PDE4D: variants seen among roughly 807,000 people sequenced by gnomAD.
The protein encoded by PDE4D is 3',5'-cyclic-AMP phosphodiesterase 4D.
PDE4D carries 24 observed loss-of-function variants against 87.4 expected under a neutral mutation model. The ratio of observed to expected loss-of-function variants is 0.27; its 90% CI spans 0.20 to 0.39. The LOEUF (loss-of-function observed/expected upper bound fraction) is 0.39. Ranked by LOEUF, PDE4D falls within the 10% of genes least tolerant of loss-of-function variation. PDE4D has a pLI of 1.00. For synonymous variants in PDE4D, 384 were observed against 383.2 expected (o/e 1.00, Z -0.02); for missense variants, 714 against 1,041.0 (o/e 0.69, Z 4.32).
chr5:59,612,672 G>A (rs1392743042), intron 1 of PDE4D, among the ~76,000 whole-genome samples: 2 of 152,132 alleles, frequency 1.3e-5, no homozygotes, highest in African/African-American at 4.8e-5. Flanking sequence ...GCCAGGAACA[G>A]GCATGGTGAA....
At chr5:59,304,898 A>AT (rs1011683600) in intron 1 of PDE4D, among the ~76,000 whole-genome samples, 5 of 152,100 alleles carry the variant, frequency 3.3e-5, no homozygotes, top group African/African-American at 1.2e-4. Context: ...TACTAGGGTG[A>AT]TGCTGGCTTC....
At chr5:59,719,483 G>A (rs1237136411) in intron 1 of PDE4D, among the ~76,000 whole-genome samples, 2 of 152,018 alleles carry the variant, frequency 1.3e-5, no homozygotes, top group African/African-American at 4.8e-5. Flanking sequence ...ATTTAATTAC[G>A]GGTTTATATA....
At chr5:59,576,947 G>A (rs1013926075) in intron 1 of PDE4D, among the ~76,000 whole-genome samples, 1 of 151,968 alleles carries the variant, frequency 6.6e-6, no homozygotes, top group African/African-American at 2.4e-5. Context: ...ATACCACTAC[G>A]GTTTTCTCAA....
In PDE4D at chr5:59,623,152, A is replaced by C. The variant is rs941224657; in HGVS notation, c.455+270016T>G. 3.3e-5 allele frequency among the ~76,000 whole-genome samples: 5 copies of C among 152,302 alleles called. No homozygotes were observed. The South Asian group carries it at 8.3e-4, about 25-fold the overall frequency. ...ATAAATAATGCTTCAAAATTGTCAAAAATACAGAATATCCTTGCTCACATC... is the reference window on the plus strand; with the variant it reads ...ATAAATAATGCTTCAAAATTGTCAACAATACAGAATATCCTTGCTCACATC... On this transcript the variant is annotated intron_variant, in intron 1 of 14. Coordinates refer to ENST00000340635, the MANE Select transcript of PDE4D (RefSeq NM_001104631.2).
At chr5:59,915,043 T>A (rs530457405) in intron 3 of PDE4D, among the ~76,000 whole-genome samples, 70 of 152,108 alleles carry the variant, frequency 4.6e-4, no homozygotes, top group African/African-American at 1.6e-3. Context: ...AAATCCAGAG[T>A]TTGTTTTAAG....
intron 1 of PDE4D, among the ~76,000 whole-genome samples, chr5:59,631,466 A>C (rs1284973122): frequency 6.6e-6 from 1 of 152,208 alleles, no homozygotes; most frequent in African/African-American, 2.4e-5. Context: ...AAGATGGCCA[A>C]ATAGAAACAG....
chr5:59,477,094 C>T (rs1266005862), intron 1 of PDE4D, among the ~76,000 whole-genome samples: 1 of 151,516 alleles, frequency 6.6e-6, no homozygotes, highest in African/African-American at 2.4e-5. Context: ...TCACAATTGA[C>T]AGAATATATA....
At chr5:59,031,094 G>A (rs796701314) in intron 6 of PDE4D, among the ~76,000 whole-genome samples, 1 of 152,010 alleles carries the variant, frequency 6.6e-6, no homozygotes, top group African/African-American at 2.4e-5. Flanking sequence ...TGTTGGCAAG[G>A]ATGTGGAGAA....
At chr5:59,430,539 T>C (rs1795958773) in intron 1 of PDE4D, 9 of 665,388 alleles carry the variant, frequency 1.4e-5, no homozygotes, top group Non-Finnish European at 1.7e-5. Flanking sequence ...GGTTGCCCGG[T>C]GCTTCTTTGC....
intron 1 of PDE4D, among the ~76,000 whole-genome samples, chr5:60,332,438 C>T (rs6449468): frequency 0.26 from 38,816 of 152,024 alleles, 5,419 homozygotes; most frequent in East Asian, 0.48. Context: ...AAAGATGGGA[C>T]ATTTGGTTTT....
At chr5:59,659,028 A>G (rs297974) in intron 1 of PDE4D, among the ~76,000 whole-genome samples, 64,357 of 152,016 alleles carry the variant, frequency 0.42, 14,318 homozygotes, top group East Asian at 0.69. Context: ...ATTTTAATGC[A>G]ACTTAAATTT....
intron 1 of PDE4D, among the ~76,000 whole-genome samples, chr5:59,627,473 G>A (rs562750875): frequency 6.6e-6 from 1 of 152,228 alleles, no homozygotes; most frequent in Non-Finnish European, 1.5e-5. Context: ...ACCTAGCACT[G>A]AATTTTATAT....
chr5:59,236,768 G>A (rs1328471846), intron 1 of PDE4D, among the ~76,000 whole-genome samples: 3 of 151,590 alleles, frequency 2.0e-5, no homozygotes, highest in Non-Finnish European at 4.4e-5. Flanking sequence ...GTGGTTAAAC[G>A]GGATGGAGAA....
At chr5:60,368,913 C>A (rs1760781630) in intron 1 of PDE4D, among the ~76,000 whole-genome samples, 1 of 152,104 alleles carries the variant, frequency 6.6e-6, no homozygotes, top group African/African-American at 2.4e-5. Context: ...GCCAATTAAA[C>A]CTCTTTTCTT....
intron 1 of PDE4D, among the ~76,000 whole-genome samples, chr5:59,273,094 G>A (rs1764135384): frequency 1.3e-5 from 2 of 152,130 alleles, no homozygotes; most frequent in South Asian, 4.1e-4. Flanking sequence ...AAGTATTTTG[G>A]AGATCAACCT....
At chr5:59,585,369 C>T (rs530161403) in intron 1 of PDE4D, among the ~76,000 whole-genome samples, 67 of 152,256 alleles carry the variant, frequency 4.4e-4, no homozygotes, top group Non-Finnish European at 7.2e-4. Flanking sequence ...CCCTCCGAAA[C>T]CTATATTTAG....
At chr5:59,614,181 G>A (rs1829369360) in intron 1 of PDE4D, among the ~76,000 whole-genome samples, 1 of 152,082 alleles carries the variant, frequency 6.6e-6, no homozygotes, top group African/African-American at 2.4e-5. Context: ...GACCTGACTG[G>A]GGAGCACACA....
intron 3 of PDE4D, among the ~76,000 whole-genome samples, chr5:59,957,614 T>A (rs1322128705): frequency 6.6e-6 from 1 of 152,088 alleles, no homozygotes. Context: ...TCATAATAAT[T>A]ATAATTATGT....
chr5:59,952,439 G>A (rs180694355), intron 3 of PDE4D, among the ~76,000 whole-genome samples: 244 of 152,074 alleles, frequency 1.6e-3, no homozygotes, highest in Admixed American at 3.5e-3. Flanking sequence ...ACCCTAACCT[G>A]GCATTAGCTA....
Sources: allele counts gnomAD v4.1 joint callset (sites outside exome capture counted in the v4.1 genomes callset), GRCh38; gene constraint gnomAD v4.1.1; transcripts MANE v1.5; gene names NCBI Gene and HGNC (gene_info 2026-07-23, HGNC 2026-07-21).